MAN2A1: variants seen among roughly 807,000 people sequenced by gnomAD.
The protein encoded by MAN2A1 is mannosidase alpha class 2A member 1.
Under a neutral mutation model 142.6 loss-of-function variants are expected in MAN2A1, and 76 were observed. The observed-to-expected ratio is 0.53, with a 90% confidence interval of 0.44 to 0.65. The LOEUF is 0.65. Among genes scored for constraint, MAN2A1 ranks in the 30% least tolerant of loss-of-function variants. MAN2A1 has a pLI of 0.00. For missense variants in MAN2A1, 1,311 were observed against 1,365.1 expected, an observed-to-expected ratio of 0.96 and a Z score of 0.62; for synonymous variants, 559 against 473.2, an observed-to-expected ratio of 1.18 and a Z score of -2.35.
chr5:109,859,915 T>A (rs1367295841), intron 20 of MAN2A1, among the ~76,000 whole-genome samples: 2 of 151,656 alleles, frequency 1.3e-5, no homozygotes, highest in Admixed American at 6.6e-5. Flanking sequence ...AGCTTTTATA[T>A]TTAGACATAT....
chr5:109,788,311 A>G (rs1753647034), intron 10 of MAN2A1, among the ~76,000 whole-genome samples: 1 of 151,816 alleles, frequency 6.6e-6, no homozygotes. Context: ...TGGAATCAGT[A>G]GACTTTTGAT....
chr5:109,715,019 G>C (rs895676825), intron 2 of MAN2A1, among the ~76,000 whole-genome samples: 5 of 150,378 alleles, frequency 3.3e-5, no homozygotes, highest in African/African-American at 9.8e-5. Context: ...TATTTTTGTT[G>C]TGTGGTCTAA....
intron 16 of MAN2A1, among the ~76,000 whole-genome samples, chr5:109,840,989 C>T (rs1755188523): frequency 6.6e-6 from 1 of 152,140 alleles, no homozygotes; most frequent in Non-Finnish European, 1.5e-5. Flanking sequence ...AAAAGTCTTC[C>T]TTACTCCTTT....
At chr5:109,829,208 T>G (rs759259074) in intron 16 of MAN2A1, among the ~76,000 whole-genome samples, 40 of 152,158 alleles carry the variant, frequency 2.6e-4, no homozygotes, top group Admixed American at 5.2e-4. Flanking sequence ...GTAAAATGAG[T>G]GCCCATTAAA....
At position 109,865,161 on chromosome 5, in the gene MAN2A1, T is replaced by C. The variant is rs190535374; in HGVS notation, c.3282+15T>C. The C allele has an allele frequency of 1.9e-6, 3 of 1,566,998 alleles. No homozygotes were observed. The highest frequency in any genetic ancestry group is 4.5e-5 in the East Asian group (2 of 44,630). On this transcript the variant is annotated intron_variant, in intron 21 of 21. Coordinates refer to ENST00000261483, the MANE Select transcript of MAN2A1 (RefSeq NM_002372.4). ...CTCAGGGAAAGGTAAGTTGAAAAGGTTATTTTTGCTTACTGTTAGTGTGCT... is the reference window on the plus strand; with the variant it reads ...CTCAGGGAAAGGTAAGTTGAAAAGGCTATTTTTGCTTACTGTTAGTGTGCT...
At chr5:109,734,453 T>C (rs946347561) in intron 4 of MAN2A1, among the ~76,000 whole-genome samples, 3 of 152,144 alleles carry the variant, frequency 2.0e-5, no homozygotes, top group African/African-American at 4.8e-5. Context: ...GTTCTTTTAA[T>C]TGTGATGTTA....
chr5:109,789,012 A>G lies in MAN2A1; in HGVS notation c.1839A>G (p.Thr613=), dbSNP rs1753670574. 4 of 1,601,394 alleles carry G rather than the reference A, an allele frequency of 2.5e-6. No homozygotes were observed. Among genetic ancestry groups the G allele is most frequent in the Admixed American group, 3.4e-5 (2 of 59,638 alleles). Residue 613 remains threonine (T), a synonymous_variant, in exon 11 of 22, where the codon ACA becomes ACG. Coordinates refer to ENST00000261483, the MANE Select transcript of MAN2A1 (RefSeq NM_002372.4). ...TTCTTATTTTGAAGGACAAACTCACATACGACTCTTACTCTCCTGATACCT... is the reference window on the plus strand; with the variant it reads ...TTCTTATTTTGAAGGACAAACTCACGTACGACTCTTACTCTCCTGATACCT... ...AFLLILKDKL[T]YDSYSPDTFL...
intron 8 of MAN2A1, among the ~76,000 whole-genome samples, chr5:109,777,862 A>G (rs1227859887): frequency 6.6e-6 from 1 of 152,080 alleles, no homozygotes; most frequent in African/African-American, 2.4e-5. Context: ...CATGAATGAG[A>G]CTGCATTTGT....
chr5:109,791,983 C>A (rs1413628929), intron 12 of MAN2A1, among the ~76,000 whole-genome samples: 1 of 151,998 alleles, frequency 6.6e-6, no homozygotes, highest in Non-Finnish European at 1.5e-5. Context: ...GTTGATATGC[C>A]TAATTTAGTT....
rs147350839 is a variant in MAN2A1, at chr5:109,706,476, C to T, written c.136-7044C>T. ...AATGGATATTAGTATCTGCATTTTG[C>T]CCATAGAAACTGAGGCCCAGGATTA... is the stretch of plus-strand genomic sequence containing the variant. On this transcript the variant is annotated intron_variant, in intron 1 of 21. Transcript: ENST00000261483. 1.1e-4 allele frequency among the ~76,000 whole-genome samples: 16 copies of T among 152,294 alleles called. 1 individual carries two copies. The highest frequency in any genetic ancestry group is 3.6e-4 in the African/African-American group (15 of 41,558).
intron 1 of MAN2A1, among the ~76,000 whole-genome samples, chr5:109,696,433 A>T (rs1344103986): frequency 6.6e-6 from 1 of 152,178 alleles, no homozygotes; most frequent in African/African-American, 2.4e-5. Flanking sequence ...TAAATTTCTA[A>T]ATCTAACATA....
chr5:109,849,599 C>T (rs368837318), intron 19 of MAN2A1, among the ~76,000 whole-genome samples: 21 of 152,304 alleles, frequency 1.4e-4, no homozygotes, highest in Middle Eastern at 3.4e-3. Context: ...ACTTCCACCA[C>T]CCTAATCTAA....
chr5:109,716,941 C>G (rs1320236356), intron 3 of MAN2A1, among the ~76,000 whole-genome samples: 1 of 152,092 alleles, frequency 6.6e-6, no homozygotes, highest in African/African-American at 2.4e-5. Flanking sequence ...TTCCTCCCTT[C>G]CCCCACCCCT....
chr5:109,772,686 A>C (rs559352517), intron 7 of MAN2A1, among the ~76,000 whole-genome samples: 19 of 152,172 alleles, frequency 1.2e-4, no homozygotes, highest in South Asian at 1.0e-3. Flanking sequence ...GTTTTAAAAA[A>C]TTTTGTAGTG....
chr5:109,715,073 C>G (rs773485218), intron 2 of MAN2A1, among the ~76,000 whole-genome samples: 5 of 151,686 alleles, frequency 3.3e-5, no homozygotes, highest in Non-Finnish European at 7.4e-5. Context: ...CCATGGAAGT[C>G]AGGCAGAGCA....
At chr5:109,775,719 A>C (rs1753271939) in intron 8 of MAN2A1, among the ~76,000 whole-genome samples, 1 of 152,124 alleles carries the variant, frequency 6.6e-6, no homozygotes, top group Non-Finnish European at 1.5e-5. Flanking sequence ...AAATTATAAA[A>C]GTTCTGTTTA....
intron 6 of MAN2A1, among the ~76,000 whole-genome samples, chr5:109,769,144 C>T (rs1157379213): frequency 3.3e-5 from 5 of 152,074 alleles, no homozygotes; most frequent in Admixed American, 2.0e-4. Flanking sequence ...CCTTTTGTGG[C>T]GACTATATGC....
chr5:109,716,222 C>T lies in MAN2A1; in HGVS notation c.493C>T (p.Pro165Ser). The T allele has an allele frequency of 6.2e-7, 1 of 1,610,800 alleles. No individual in the cohort carries two copies. Among genetic ancestry groups the T allele is most frequent in the South Asian group, 1.1e-5 (1 of 90,528 alleles). The change falls in exon 3 of 22, where the codon CCC becomes TCC. Residue 165 changes from proline (P) to serine (S), a missense_variant. Pro to Ser is a moderately conservative substitution (Grantham distance 74). Around this residue, in one of 3 missense-constraint regions of MAN2A1, gnomAD observed 409 missense variants for 412.7 expected, o/e 0.99. Coordinates refer to ENST00000261483, the MANE Select transcript of MAN2A1 (RefSeq NM_002372.4). ...TYESNEWDTE[P>S]LQVFVVPHSH... ...TGAATCTAATGAATGGGACACTGAA[C>T]CCCTTCAAGTCTTTGTGGTGCCTCA...
At position 109,785,285 on chromosome 5, in the gene MAN2A1, A is replaced by G. The variant is rs527555290; in HGVS notation, c.1760+359A>G. Reference sequence around the variant, plus strand: ...ATAGTTATAATGTAGAGAGATAAAGATTCCTACTTCATTGTATGTCAGTTT... The same window carrying G: ...ATAGTTATAATGTAGAGAGATAAAGGTTCCTACTTCATTGTATGTCAGTTT... On this transcript the variant is annotated intron_variant, in intron 10 of 21. Coordinates refer to ENST00000261483, the MANE Select transcript of MAN2A1 (RefSeq NM_002372.4). Among the ~76,000 whole-genome samples, 18 of 152,182 alleles carry G rather than the reference A, an allele frequency of 1.2e-4. No homozygotes were observed. The South Asian group carries it at 3.1e-3, about 26-fold the overall frequency.
Sources: gnomAD v4.1 joint callset for allele counts (sites outside exome capture counted in the v4.1 genomes callset) on GRCh38, gnomAD v4.1.1 for gene constraint, gnomAD v4.1.1 regional missense constraint, MANE v1.5 for transcripts, NCBI Gene and HGNC (gene_info 2026-07-23, HGNC 2026-07-21) for gene names.